The following GRPEL1 variants were observed in gnomAD, a reference collection of about 807,000 sequenced individuals.
GRPEL1 encodes GrpE like 1, mitochondrial, also known as grpE protein homolog 1, mitochondrial.
GRPEL1 carries 13 observed loss-of-function variants against 22.1 expected under a neutral mutation model. The observed-to-expected ratio is 0.59, with a 90% CI of 0.38 to 0.94. The LOEUF (loss-of-function observed/expected upper bound fraction) is 0.94, where lower values mean the gene tolerates loss of function less well. Among genes scored for constraint, GRPEL1 ranks in the 40% least tolerant of loss-of-function variants. The pLI is 0.00. For missense variants in GRPEL1, 289 were observed against 264.6 expected (o/e 1.09, Z -0.64); for synonymous variants, 109 against 105.3 (o/e 1.03, Z -0.21).
At position 7,064,125 on chromosome 4, in the gene GRPEL1, G is replaced by A. The variant is rs1238883685; in HGVS notation, c.161C>T (p.Pro54Leu). ...MGQSEQKADP[P>L]ATEKTLLEEK... ...TTCCAGGAGGGTCTTCTCTGTAGCA[G>A]GAGGATCTGCCTTCTGTTCACTCTG... is the stretch of plus-strand genomic sequence containing the variant. Residue 54 changes from proline to leucine, a missense_variant, in exon 2 of 4, where the codon CCT (proline) becomes CTT (leucine). Pro to Leu is a moderately conservative substitution (Grantham distance 98, BLOSUM62 -3). Coordinates refer to ENST00000264954, the MANE Select transcript of GRPEL1 (RefSeq NM_025196.4). The A allele has an allele frequency of 6.2e-7, 1 of 1,614,208 alleles. No homozygotes were observed. The highest frequency in any genetic ancestry group is 1.1e-5 in the South Asian group (1 of 91,084).
chr4:7,063,402 A>G (rs547219007), intron 2 of GRPEL1, among the ~76,000 whole-genome samples: 6 of 152,224 alleles, frequency 3.9e-5, no homozygotes, highest in Admixed American at 2.6e-4. Flanking sequence ...TCTCTTTTTA[A>G]CATTTACTAA....
Position 7,059,376 on chromosome 4 carries a change from G to C in GRPEL1, c.*1486C>G, listed in dbSNP as rs1321765579. 1 of 152,224 alleles carries C rather than the reference G, an allele frequency of 6.6e-6. No homozygotes were observed. The highest frequency in any genetic ancestry group is 2.4e-5 in the African/African-American group (1 of 41,448). The allele number at this position is 152,224 out of a possible 1,614,324, so 9.4% of individuals were successfully genotyped here. A position where few individuals can be genotyped will look rare whatever the true frequency, so the allele number is the denominator to read the frequency against. On this transcript the variant is annotated 3_prime_UTR_variant, in exon 4 of 4. Coordinates refer to ENST00000264954, the MANE Select transcript of GRPEL1 (RefSeq NM_025196.4). ...AGACTGCAAACATTCACAGAAATGAGTTGATAAATTACTTTTCTTAGCCTC... is the reference window on the plus strand; with the variant it reads ...AGACTGCAAACATTCACAGAAATGACTTGATAAATTACTTTTCTTAGCCTC...
intron 3 of GRPEL1, 22 bp from the exon 4 acceptor site, chr4:7,061,230 C>T (rs376078373): frequency 1.1e-5 from 18 of 1,580,214 alleles, no homozygotes; most frequent in Non-Finnish European, 1.4e-5. Context: ...TAAAGAAGAT[C>T]ATTTGCACTC....
chr4:7,059,789 C>G lies in GRPEL1; in HGVS notation c.*1073G>C, dbSNP rs1312983786. On this transcript the variant is annotated 3_prime_UTR_variant, in exon 4 of 4. Transcript: ENST00000264954. The stretch of plus-strand genomic sequence containing the variant: ...ATGACCGTGTAAATGAGGAACAGCC[C>G]TTTGGCAAGATGATTTTGCAAATCC... 6.6e-6 allele frequency: 1 copy of G among 152,210 alleles called. No homozygotes were observed. Among genetic ancestry groups the G allele is most frequent in the Non-Finnish European group, 1.5e-5 (1 of 68,044 alleles). 9.4% of individuals were successfully genotyped at this position (152,210 alleles called of 1,614,324 possible).
chr4:7,061,944 G>A (rs1422814777), intron 3 of GRPEL1: 1 of 152,816 alleles, frequency 6.5e-6, no homozygotes, highest in Non-Finnish European at 1.5e-5. Flanking sequence ...TGGGAGCCTG[G>A]GGTTACGTAC....
chr4:7,059,143 A>T lies in GRPEL1; in HGVS notation c.*1719T>A, dbSNP rs1199184912. ...TTTCTCAGAACACATCCCTGTGGTT[A>T]AGCCATGCTTGACTATATTCCAAAA... is the stretch of plus-strand genomic sequence containing the variant. On this transcript the variant is annotated 3_prime_UTR_variant, in exon 4 of 4. Coordinates refer to ENST00000264954, the MANE Select transcript of GRPEL1 (RefSeq NM_025196.4). The T allele has an allele frequency of 6.6e-6, 1 of 152,218 alleles. No individual in the cohort carries two copies. The highest frequency in any genetic ancestry group is 2.1e-4 in the South Asian group (1 of 4,830). 9.4% of individuals were successfully genotyped at this position (152,218 alleles called of 1,614,324 possible). A position where few individuals can be genotyped will look rare whatever the true frequency, so the allele number is the denominator to read the frequency against.
chr4:7,061,184 A>G lies in GRPEL1; in HGVS notation c.332T>C (p.Leu111Ser). The change falls in exon 4 of 4, where the codon TTG (leucine) becomes TCG (serine). Residue 111 changes from leucine to serine, a missense_variant. Physicochemically the swap from Leu to Ser is moderately radical, Grantham distance 145 (BLOSUM62 -2). Transcript: ENST00000264954. Reference sequence around the variant, plus strand: ...CTCCAGAACGTCTGCCACCTCCAACAAGTCCTTGCAGAAGGCTTGAATGCC... The same window carrying G: ...CTCCAGAACGTCTGCCACCTCCAACGAGTCCTTGCAGAAGGCTTGAATGCC... The part of the protein sequence containing the change: ...LYGIQAFCKD[L>S]LEVADVLEKA... 6.2e-7 allele frequency: 1 copy of G among 1,612,100 alleles called. No individual in the cohort carries two copies. The highest frequency in any genetic ancestry group is 1.1e-5 in the South Asian group (1 of 90,882).
chr4:7,064,277 A>AGT, intron 1 of GRPEL1, 54 bp from the exon 2 acceptor site: 1 of 1,549,800 alleles, frequency 6.5e-7, no homozygotes, highest in Non-Finnish European at 8.7e-7. Context: ...TGCTTATTAA[A>AGT]GTCAGATGTA....
chr4:7,064,049 C>T lies in GRPEL1; in HGVS notation c.225+12G>A. 6.2e-7 allele frequency: 1 copy of T among 1,612,692 alleles called. No individual in the cohort carries two copies. Among genetic ancestry groups the T allele is most frequent in the East Asian group, 2.2e-5 (1 of 44,818 alleles). Reference sequence around the variant, plus strand: ...GCCGAGCCCGCCCCCACAGGAGCCTCACAGTCCTCACCACAGTCTCCTTCA... The same window carrying T: ...GCCGAGCCCGCCCCCACAGGAGCCTTACAGTCCTCACCACAGTCTCCTTCA... On this transcript the variant is annotated intron_variant, in intron 2 of 3. Transcript: ENST00000264954.
In GRPEL1 at chr4:7,060,534, A is replaced by T; in HGVS notation, c.*328T>A. The T allele has an allele frequency of 3.4e-6, 1 of 293,732 alleles. No homozygotes were observed. Among genetic ancestry groups the T allele is most frequent in the Non-Finnish European group, 6.4e-6 (1 of 156,570 alleles). The allele number at this position is 293,732 out of a possible 1,614,324, so 18.2% of individuals were successfully genotyped here. A position where few individuals can be genotyped will look rare whatever the true frequency, so the allele number is the denominator to read the frequency against. On this transcript the variant is annotated 3_prime_UTR_variant, in exon 4 of 4. Coordinates refer to ENST00000264954, the MANE Select transcript of GRPEL1 (RefSeq NM_025196.4). ...CCAGGTAGCCAAACAGAATTCCCCAAGACCTTTTATTTGTTTAAAATACTT... is the reference window on the plus strand; with the variant it reads ...CCAGGTAGCCAAACAGAATTCCCCATGACCTTTTATTTGTTTAAAATACTT...
chr4:7,066,098 C>T (rs1486314273), intron 1 of GRPEL1, among the ~76,000 whole-genome samples: 1 of 152,124 alleles, frequency 6.6e-6, no homozygotes, highest in African/African-American at 2.4e-5. Context: ...ACCTCGTGAT[C>T]CGCCCGCACC....
chr4:7,065,389 C>T (rs1724143212), intron 1 of GRPEL1, among the ~76,000 whole-genome samples: 1 of 152,002 alleles, frequency 6.6e-6, no homozygotes, highest in Admixed American at 6.6e-5. Flanking sequence ...TGGTGCATGC[C>T]TGTAATCCCA....
At chr4:7,061,587 C>T (rs1365708301) in intron 3 of GRPEL1, 1 of 205,714 alleles carries the variant, frequency 4.9e-6, no homozygotes, top group African/African-American at 2.3e-5. Context: ...GTATGTAAGT[C>T]ACCCAGGGAG....
rs946922547 is a variant in GRPEL1 at position 7,059,707 on chromosome 4, GTTCTT to G, written c.*1150_*1154del. ...ATTCTAGAAGCAAAGGCAGCGAAAG[GTTCTT>G]TTCTCTTTTTTGTAACAGACGCCAA... On this transcript the variant is annotated 3_prime_UTR_variant, in exon 4 of 4. Transcript: ENST00000264954. The G allele has an allele frequency of 2.5e-4, 38 of 152,346 alleles. No individual in the cohort carries two copies. The highest frequency in any genetic ancestry group is 8.4e-4 in the African/African-American group (35 of 41,584). The allele number at this position is 152,346 out of a possible 1,614,324, so 9.4% of individuals were successfully genotyped here.
At chr4:7,063,079 A>G (rs1261206579) in intron 2 of GRPEL1, among the ~76,000 whole-genome samples, 2 of 150,460 alleles carry the variant, frequency 1.3e-5, no homozygotes, top group Non-Finnish European at 2.9e-5. Context: ...CCTTCCGGTA[A>G]GCTCACTCAT....
chr4:7,064,017 C>G (rs376303484), intron 2 of GRPEL1, 44 bp downstream of exon 2: 2 of 1,589,026 alleles, frequency 1.3e-6, no homozygotes, highest in Middle Eastern at 1.8e-4. Context: ...AGGAGAGAAA[C>G]AGTTCAGCCG....
chr4:7,068,043 G>A lies in GRPEL1; in HGVS notation c.-11C>T, dbSNP rs781529895. 2 of 1,612,360 alleles carry A rather than the reference G, an allele frequency of 1.2e-6. No homozygotes were observed. Among genetic ancestry groups the A allele is most frequent in the South Asian group, 2.2e-5 (2 of 90,908 alleles). ...GCACTGAGCCGCCATGACTGCCACT[G>A]CCCGTCGCAGTCGCCGCGCACGCAC... On this transcript the variant is annotated 5_prime_UTR_variant, in exon 1 of 4. Transcript: ENST00000264954.
In GRPEL1 at chr4:7,060,792, T is replaced by G; in HGVS notation, c.*70A>C. 1.4e-3 allele frequency: 1,860 copies of G among 1,322,398 alleles called. No individual in the cohort carries two copies. Among genetic ancestry groups the G allele is most frequent in the Non-Finnish European group, 1.8e-3 (1,714 of 948,428 alleles). 81.9% of individuals were successfully genotyped at this position (1,322,398 alleles called of 1,614,324 possible). On this transcript the variant is annotated 3_prime_UTR_variant, in exon 4 of 4. Coordinates refer to ENST00000264954, the MANE Select transcript of GRPEL1 (RefSeq NM_025196.4). ...GGAAAAGGTCACACGTACTCATAGA[T>G]GAGAAACAATGAACCAGCCTTGAGA...
At position 7,061,128 on chromosome 4, in the gene GRPEL1, TTTC is replaced by T; in HGVS notation, c.385_387del (p.Glu129del). 6.2e-7 allele frequency: 1 copy of T among 1,614,212 alleles called. No individual in the cohort carries two copies. Among genetic ancestry groups the T allele is most frequent in the East Asian group, 2.2e-5 (1 of 44,882 alleles). ...TTCAGGTGAGGGTTATCGTCTTTAATTTCTTCTTTTGGAACACACTGTGTTGCC... is the reference window on the plus strand; with the variant it reads ...TTCAGGTGAGGGTTATCGTCTTTAATTTCTTTTGGAACACACTGTGTTGCC... On this transcript the variant is annotated inframe_deletion, in exon 4 of 4. Transcript: ENST00000264954.
Sources: allele counts gnomAD v4.1 joint callset (sites outside exome capture counted in the v4.1 genomes callset), GRCh38; gene constraint gnomAD v4.1.1; transcripts MANE v1.5; gene names NCBI Gene and HGNC (gene_info 2026-07-23, HGNC 2026-07-21).